The following MROH9 variants were observed in gnomAD, a reference collection of about 807,000 sequenced individuals.
The protein encoded by MROH9 is maestro heat-like repeat-containing protein family member 9.
A neutral mutation model predicts 98.2 loss-of-function variants in MROH9; 92 were observed. That is an observed-to-expected ratio of 0.94 (90% CI 0.79 to 1.11). The LOEUF is 1.11. MROH9 is among the 50% of genes most tolerant of loss of function. The pLI is 0.00. For missense variants in MROH9, 1,057 were observed against 1,014.8 expected, an observed-to-expected ratio of 1.04 and a Z score of -0.57; for synonymous variants, 397 against 368.9, an observed-to-expected ratio of 1.08 and a Z score of -0.87.
intron 20 of MROH9, among the ~76,000 whole-genome samples, chr1:171,057,964 T>TG (rs202015836): frequency 6.7e-6 from 1 of 148,752 alleles, no homozygotes; most frequent in Non-Finnish European, 1.5e-5. Context: ...GCACTAAATA[T>TG]GGGGGGAAAA....
rs1251449575 is a variant in MROH9 at position 171,059,151 on chromosome 1, C to A, written c.2282-2981C>A. Among the ~76,000 whole-genome samples, 6 of 151,098 alleles carry A rather than the reference C, an allele frequency of 4.0e-5. No homozygotes were observed. In the South Asian group the frequency reaches 1.0e-3, roughly 26 times the overall value. On this transcript the variant is annotated intron_variant, in intron 20 of 21. Transcript: ENST00000367759. ...CTTAAATAAATTTACAAGAAAAAAA[C>A]AAGTATCAATAGCTGAATCAACCAA...
At chr1:171,014,294 T>C (rs1000362462) in intron 16 of MROH9, 40 bp downstream of exon 16, 17 of 1,523,566 alleles carry the variant, frequency 1.1e-5, no homozygotes, top group Non-Finnish European at 1.4e-5. Context: ...ATCATCTAAA[T>C]CATAATCTGA....
intron 20 of MROH9, among the ~76,000 whole-genome samples, chr1:171,057,105 C>T (rs960164467): frequency 1.3e-5 from 2 of 152,126 alleles, no homozygotes; most frequent in African/African-American, 4.8e-5. Context: ...CAGCACTGGA[C>T]GGAGGATGAG....
intron 3 of MROH9, among the ~76,000 whole-genome samples, chr1:170,949,675 C>T (rs1404846333): frequency 6.6e-6 from 1 of 151,990 alleles, no homozygotes; most frequent in Non-Finnish European, 1.5e-5. Flanking sequence ...GGGGATCTTC[C>T]AGAACATGTA....
At chr1:170,998,483 T>G (rs1300872812) in intron 15 of MROH9, 24 of 1,506,942 alleles carry the variant, frequency 1.6e-5, no homozygotes, top group Non-Finnish European at 2.0e-5. Flanking sequence ...TCCCCAGCAG[T>G]TGGTTTTTCT....
At chr1:171,034,659 T>C (rs1457724786) in intron 20 of MROH9, among the ~76,000 whole-genome samples, 2 of 152,150 alleles carry the variant, frequency 1.3e-5, no homozygotes, top group Admixed American at 1.3e-4. Flanking sequence ...ACAGGCTCAG[T>C]CCAAGTGTCA....
In MROH9 at chr1:171,009,441, T is replaced by G. The variant is rs143886009; in HGVS notation, c.1597-4676T>G. Among the ~76,000 whole-genome samples the G allele has an allele frequency of 5.7e-3, 862 of 152,316 alleles. 7 individuals carry two copies. The highest frequency in any genetic ancestry group is 0.02 in the African/African-American group (830 of 41,576). Reference sequence around the variant, plus strand: ...TTATTGGTATTGTATATTGATATTATCATTTTAAGACTAAGGTATGTATTA... The same window carrying G: ...TTATTGGTATTGTATATTGATATTAGCATTTTAAGACTAAGGTATGTATTA... On this transcript the variant is annotated intron_variant, in intron 15 of 21. Transcript: ENST00000367759.
At chr1:171,041,999 A>G (rs1653322575) in intron 20 of MROH9, among the ~76,000 whole-genome samples, 2 of 152,022 alleles carry the variant, frequency 1.3e-5, no homozygotes, top group African/African-American at 2.4e-5. Context: ...CAAACAATCC[A>G]ATCACACTAT....
At chr1:170,998,657 A>G in intron 15 of MROH9, 1 of 1,137,870 alleles carries the variant, frequency 8.8e-7, no homozygotes, top group South Asian at 3.1e-5. Flanking sequence ...TAGAGGGAGA[A>G]AGGAACTGGC....
intron 1 of MROH9, among the ~76,000 whole-genome samples, chr1:170,942,685 T>G (rs1473039456): frequency 6.6e-6 from 1 of 152,058 alleles, no homozygotes; most frequent in Non-Finnish European, 1.5e-5. Flanking sequence ...CAGAGATACC[T>G]CCCTGGATAG....
chr1:170,938,823 G>T (rs1236492692), intron 1 of MROH9, among the ~76,000 whole-genome samples: 1 of 152,204 alleles, frequency 6.6e-6, no homozygotes, highest in African/African-American at 2.4e-5. Context: ...GTAGCTGGCT[G>T]ATCACTCTGG....
intron 20 of MROH9, among the ~76,000 whole-genome samples, chr1:171,043,267 G>A (rs1236154552): frequency 6.6e-6 from 1 of 151,946 alleles, no homozygotes; most frequent in East Asian, 1.9e-4. Context: ...TGTCATCTTT[G>A]TCAAAAATGA....
rs1306734693 is a variant in MROH9 at position 170,960,624 on chromosome 1, T to C, written c.288+1027T>C. On this transcript the variant is annotated intron_variant, in intron 5 of 21. Transcript: ENST00000367759. ...ATATAAAATGTATTCAATATTTGGT[T>C]TCGTTTTGTTTTGTTTGAGACAGGG... 2.0e-5 allele frequency among the ~76,000 whole-genome samples: 3 copies of C among 152,138 alleles called. No homozygotes were observed. The East Asian group carries it at 5.8e-4, about 29-fold the overall frequency.
At chr1:171,016,478 T>A in intron 17 of MROH9, 142 bp downstream of exon 17, 1 of 587,296 alleles carries the variant, frequency 1.7e-6, no homozygotes, top group Non-Finnish European at 2.6e-6. Flanking sequence ...AAATATTAGG[T>A]AAGTACTGGT....
At chr1:170,993,067 A>C (rs1394016920) in intron 12 of MROH9, among the ~76,000 whole-genome samples, 2 of 152,192 alleles carry the variant, frequency 1.3e-5, no homozygotes, top group African/African-American at 4.8e-5. Context: ...CCTAAAGGCA[A>C]AATCCTGAAC....
chr1:171,055,032 T>TAA (rs375031261), intron 20 of MROH9, among the ~76,000 whole-genome samples: 25 of 122,566 alleles, frequency 2.0e-4, no homozygotes, highest in African/African-American at 3.5e-4. Flanking sequence ...GAAGTCATTA[T>TAA]AAAAAAAAAA....
intron 20 of MROH9, among the ~76,000 whole-genome samples, chr1:171,046,772 G>A (rs1366296010): frequency 6.6e-6 from 1 of 152,010 alleles, no homozygotes; most frequent in Non-Finnish European, 1.5e-5. Context: ...TGTGCCTTCA[G>A]GTGACTATTT....
At chr1:171,017,562 G>T (rs1268399896) in intron 17 of MROH9, among the ~76,000 whole-genome samples, 1 of 152,130 alleles carries the variant, frequency 6.6e-6, no homozygotes, top group Non-Finnish European at 1.5e-5. Context: ...CACAACAGCT[G>T]TGGCTGCCTG....
At chr1:171,008,527 T>C (rs1652038293) in intron 15 of MROH9, among the ~76,000 whole-genome samples, 1 of 152,248 alleles carries the variant, frequency 6.6e-6, no homozygotes, top group Admixed American at 6.5e-5. Flanking sequence ...GGAAATCATC[T>C]ATTTCTTAAA....
Sources: allele counts gnomAD v4.1 joint callset (sites outside exome capture counted in the v4.1 genomes callset), GRCh38; gene constraint gnomAD v4.1.1; transcripts MANE v1.5; gene names NCBI Gene and HGNC (gene_info 2026-07-23, HGNC 2026-07-21).